Variants in CHST8 observed in about 807,000 individuals in gnomAD.
CHST8 encodes the protein GALNAC-4-ST1.
Under a neutral mutation model 15.0 loss-of-function variants are expected in CHST8, and 10 were observed. The observed-to-expected ratio is 0.67, with a 90% CI of 0.41 to 1.13. The LOEUF (loss-of-function observed/expected upper bound fraction) is 1.13, where lower values mean the gene tolerates loss of function less well. CHST8 is among the 50% of genes most tolerant of loss of function. CHST8 has a pLI of 0.00. For synonymous variants in CHST8, 259 were observed against 256.6 expected (o/e 1.01, Z -0.09); for missense variants, 634 against 608.2 (o/e 1.04, Z -0.45).
chr19:33,772,865 G>C lies in CHST8; in HGVS notation c.1077G>C (p.Leu359=), dbSNP rs1412110972. The C allele has an allele frequency of 6.2e-6, 10 of 1,613,488 alleles. No homozygotes were observed. The Admixed American group carries it at 1.5e-4, about 24-fold the overall frequency. The change falls in exon 5 of 5, where the codon CTG becomes CTC. Residue 359 remains leucine, a synonymous_variant. Coordinates refer to ENST00000650847, the MANE Select transcript of CHST8 (RefSeq NM_001127895.2). ...TGGAGGACGATGCCAACTTCTTCCT[G>C]AGCCTCATCCGCGCGCCGCGGAACC... The part of the protein sequence containing the change: ...ESMEDDANFF[L]SLIRAPRNLT...
At chr19:33,686,786 A>G (rs1393841099) in intron 2 of CHST8, among the ~76,000 whole-genome samples, 1 of 152,184 alleles carries the variant, frequency 6.6e-6, no homozygotes, top group Admixed American at 6.5e-5. Flanking sequence ...GTTGCTTTCC[A>G]GCTGGGGCCT....
rs144628194 is a variant in CHST8 at position 33,656,101 on chromosome 19, T to C, written c.-163-11666T>C. Among the ~76,000 whole-genome samples, 288 of 152,316 alleles carry C rather than the reference T, an allele frequency of 1.9e-3. 5 individuals carry two copies. The East Asian group carries it at 0.025, about 13-fold the overall frequency. ...AGCATAATTTTTTGTAGTCTAAAAT[T>C]GCTCATTTTATTTCCTCCTTGATGC... is the stretch of plus-strand genomic sequence containing the variant. On this transcript the variant is annotated intron_variant, in intron 1 of 4. Transcript: ENST00000650847.
At chr19:33,630,704 C>T (rs898775403) in intron 1 of CHST8, among the ~76,000 whole-genome samples, 2 of 150,030 alleles carry the variant, frequency 1.3e-5, no homozygotes, top group African/African-American at 4.9e-5. Flanking sequence ...GGGGCCAGTG[C>T]GTGGTACAGG....
chr19:33,637,404 C>CTT (rs35709907), intron 1 of CHST8, among the ~76,000 whole-genome samples: 3,618 of 133,818 alleles, frequency 0.027, 64 homozygotes, highest in East Asian at 0.047. Context: ...GGTTCGCTTT[C>CTT]TTTTTTTTTT....
intron 1 of CHST8, among the ~76,000 whole-genome samples, chr19:33,660,873 C>G (rs62103460): frequency 0.18 from 27,838 of 152,166 alleles, 3,163 homozygotes; most frequent in Non-Finnish European, 0.27. Flanking sequence ...CTGTCTAACA[C>G]CATCTGTTTA....
intron 1 of CHST8, among the ~76,000 whole-genome samples, chr19:33,623,913 A>G (rs1035152294): frequency 1.3e-5 from 2 of 152,172 alleles, no homozygotes; most frequent in African/African-American, 4.8e-5. Context: ...GAGGAATAAC[A>G]TTGGAACCCT....
At chr19:33,704,822 A>C (rs1266580513) in intron 3 of CHST8, among the ~76,000 whole-genome samples, 1 of 151,952 alleles carries the variant, frequency 6.6e-6, no homozygotes, top group Non-Finnish European at 1.5e-5. Flanking sequence ...AGGCAGGAGA[A>C]TAGCTTGAAC....
At chr19:33,757,341 C>T (rs1314587031) in intron 3 of CHST8, among the ~76,000 whole-genome samples, 1 of 148,006 alleles carries the variant, frequency 6.8e-6, no homozygotes, top group African/African-American at 2.5e-5. Context: ...AACCATGCCA[C>T]TGCACTCCAG....
intron 3 of CHST8, among the ~76,000 whole-genome samples, chr19:33,742,299 G>A (rs1974209055): frequency 6.6e-6 from 1 of 152,318 alleles, no homozygotes. Context: ...CTGAGACTGG[G>A]TAATTTAAAA....
chr19:33,654,735 C>G (rs887777980), intron 1 of CHST8, among the ~76,000 whole-genome samples: 1 of 152,014 alleles, frequency 6.6e-6, no homozygotes, highest in Admixed American at 6.6e-5. Context: ...TTCTAGGCTT[C>G]CATTTCACTG....
chr19:33,658,853 A>T (rs1031929477), intron 1 of CHST8, among the ~76,000 whole-genome samples: 1 of 152,066 alleles, frequency 6.6e-6, no homozygotes, highest in African/African-American at 2.4e-5. Context: ...TCCATATTAG[A>T]TGAATGGGGT....
At chr19:33,700,992 A>T (rs1973323183) in intron 3 of CHST8, among the ~76,000 whole-genome samples, 1 of 152,150 alleles carries the variant, frequency 6.6e-6, no homozygotes, top group Admixed American at 6.5e-5. Flanking sequence ...TCAGGTCTGG[A>T]TACCCCGAGC....
rs367979870 is a variant in CHST8 at position 33,771,972 on chromosome 19, G to A, written c.184G>A (p.Gly62Ser). The change falls in exon 5 of 5, where the codon GGC (glycine) becomes AGC (serine). Residue 62 changes from glycine (G) to serine (S), a missense_variant. Transcript: ENST00000650847. ...RQPHHDLPPG[G>S]SQDGDLKEPT... is the part of the protein sequence containing the mutation. ...CTTGCCCCAGGACCTCCCACCAGGCGGCTCCCAGGATGGTGACTTGAAGGA... is the reference window on the plus strand; with the variant it reads ...CTTGCCCCAGGACCTCCCACCAGGCAGCTCCCAGGATGGTGACTTGAAGGA... The A allele has an allele frequency of 1.3e-6, 2 of 1,570,612 alleles. No individual in the cohort carries two copies. The highest frequency in any genetic ancestry group is 1.2e-5 in the South Asian group (1 of 84,884).
intron 3 of CHST8, among the ~76,000 whole-genome samples, chr19:33,766,514 C>T (rs1004196656): frequency 3.9e-5 from 6 of 152,178 alleles, no homozygotes; most frequent in Non-Finnish European, 8.8e-5. Flanking sequence ...GGAGGCCTTT[C>T]TTGTGTGCAC....
chr19:33,656,948 A>G (rs1972516177), intron 1 of CHST8, among the ~76,000 whole-genome samples: 1 of 152,142 alleles, frequency 6.6e-6, no homozygotes, highest in Non-Finnish European at 1.5e-5. Context: ...GTATATTTCT[A>G]TGCATTCTAT....
At chr19:33,623,029 C>A (rs908069169) in intron 1 of CHST8, among the ~76,000 whole-genome samples, 5 of 152,206 alleles carry the variant, frequency 3.3e-5, no homozygotes, top group African/African-American at 1.2e-4. Context: ...CAGACCCGCT[C>A]TGGCCTCGCT....
intron 1 of CHST8, among the ~76,000 whole-genome samples, chr19:33,634,447 G>A (rs1972164883): frequency 6.6e-6 from 1 of 152,102 alleles, no homozygotes; most frequent in South Asian, 2.1e-4. Context: ...GTCTGGCAGT[G>A]CTTCTGATTT....
At chr19:33,668,596 G>A (rs1370213550) in intron 2 of CHST8, among the ~76,000 whole-genome samples, 5 of 151,520 alleles carry the variant, frequency 3.3e-5, no homozygotes, top group Admixed American at 6.6e-5. Flanking sequence ...TCTGGCAAGT[G>A]TATGAGAATC....
At chr19:33,626,884 G>A (rs1361578301) in intron 1 of CHST8, among the ~76,000 whole-genome samples, 1 of 150,852 alleles carries the variant, frequency 6.6e-6, no homozygotes, top group Non-Finnish European at 1.5e-5. Flanking sequence ...GAACTTCCAG[G>A]CTCAAACAAT....
Sources: allele counts gnomAD v4.1 joint callset (sites outside exome capture counted in the v4.1 genomes callset), GRCh38; gene constraint gnomAD v4.1.1; transcripts MANE v1.5; gene names NCBI Gene and HGNC (gene_info 2026-07-23, HGNC 2026-07-21).